Variants in RBFOX1 observed in about 807,000 individuals in gnomAD.
The protein encoded by RBFOX1 is RNA binding fox-1 homolog 1, also known as RNA binding protein fox-1 homolog 1.
Under a neutral mutation model 57.7 loss-of-function variants are expected in RBFOX1, and 8 were observed. The ratio of observed to expected loss-of-function variants is 0.14; its 90% CI spans 0.08 to 0.25. The LOEUF (loss-of-function observed/expected upper bound fraction) is 0.25, where lower values mean the gene tolerates loss of function less well. Ranked by LOEUF, RBFOX1 falls within the 10% of genes least tolerant of loss-of-function variation. RBFOX1 has a pLI of 1.00. For missense variants in RBFOX1, 611 were observed against 548.5 expected (o/e 1.11, Z -1.14); for synonymous variants, 326 against 222.4 (o/e 1.47, Z -4.15).
At chr16:5,807,324 T>C (rs1334394497) in intron 3 of RBFOX1, among the ~76,000 whole-genome samples, 2 of 152,178 alleles carry the variant, frequency 1.3e-5, no homozygotes, top group Non-Finnish European at 1.5e-5. Flanking sequence ...AGCACCTCTC[T>C]TAGTATTTCC....
chr16:6,574,424 ATTTTTTTTTT>A (rs34505014), intron 2 of RBFOX1, among the ~76,000 whole-genome samples: 1 of 89,942 alleles, frequency 1.1e-5, no homozygotes, highest in Non-Finnish European at 2.1e-5. Flanking sequence ...CGTATCTTCT[ATTTTTTTTTT>A]TTTTTTTTTT....
chr16:7,266,022 T>C (rs1324452696), intron 4 of RBFOX1, among the ~76,000 whole-genome samples: 1 of 138,822 alleles, frequency 7.2e-6, no homozygotes, highest in Non-Finnish European at 1.5e-5. Flanking sequence ...TTGCCCAGGC[T>C]GGAGTGCAGT....
At chr16:6,033,586 CATT>C (rs563856246) in intron 1 of RBFOX1, among the ~76,000 whole-genome samples, 8 of 152,206 alleles carry the variant, frequency 5.3e-5, no homozygotes, top group Non-Finnish European at 8.8e-5. Flanking sequence ...TATTCCCTCT[CATT>C]GTGTGTGTGT....
intron 3 of RBFOX1, among the ~76,000 whole-genome samples, chr16:5,762,420 A>G (rs2053624412): frequency 6.6e-6 from 1 of 151,830 alleles, no homozygotes; most frequent in Non-Finnish European, 1.5e-5. Context: ...TGGGAGTCAG[A>G]CAGTCTCATA....
At chr16:6,148,184 G>A (rs988358726) in intron 1 of RBFOX1, among the ~76,000 whole-genome samples, 2 of 152,184 alleles carry the variant, frequency 1.3e-5, no homozygotes, top group East Asian at 1.9e-4. Context: ...GAAATTAGCC[G>A]AGTGTGGTGG....
intron 2 of RBFOX1, among the ~76,000 whole-genome samples, chr16:6,539,289 G>A (rs957336426): frequency 1.3e-5 from 2 of 152,082 alleles, no homozygotes; most frequent in African/African-American, 4.8e-5. Context: ...ATTTCCTTGT[G>A]CCTCTGTTTT....
chr16:5,722,622 G>T (rs113886248), intron 3 of RBFOX1, among the ~76,000 whole-genome samples: 1 of 152,146 alleles, frequency 6.6e-6, no homozygotes, highest in African/African-American at 2.4e-5. Context: ...CCCCACGGTG[G>T]CATTAGGGTT....
rs539782355 is a variant in RBFOX1 at position 7,238,951 on chromosome 16, G to C, written c.27+186853G>C. On this transcript the variant is annotated intron_variant, in intron 4 of 15. Transcript: ENST00000550418. ...AATGAGAGCCTCCAGTTTCATCCATGTTCCTGCAAAGGACATGATCTTGTT... is the reference window on the plus strand; with the variant it reads ...AATGAGAGCCTCCAGTTTCATCCATCTTCCTGCAAAGGACATGATCTTGTT... 2.0e-5 allele frequency among the ~76,000 whole-genome samples: 3 copies of C among 152,238 alleles called. No homozygotes were observed. The East Asian group carries it at 5.8e-4, about 29-fold the overall frequency.
intron 5 of RBFOX1, among the ~76,000 whole-genome samples, chr16:7,522,557 T>A (rs1338938118): frequency 6.6e-6 from 1 of 152,116 alleles, no homozygotes; most frequent in African/African-American, 2.4e-5. Flanking sequence ...TGGGTGGGCA[T>A]TGCCCGTTAT....
chr16:7,328,299 G>A (rs1032469596), intron 4 of RBFOX1, among the ~76,000 whole-genome samples: 1 of 151,988 alleles, frequency 6.6e-6, no homozygotes, highest in African/African-American at 2.4e-5. Context: ...GGCCAACGTG[G>A]TGAAACCCTG....
chr16:6,684,432 A>G (rs766012814), intron 3 of RBFOX1, among the ~76,000 whole-genome samples: 35 of 152,232 alleles, frequency 2.3e-4, no homozygotes, highest in Non-Finnish European at 3.8e-4. Flanking sequence ...AGGAGAGGGA[A>G]TATCAAGATG....
intron 13 of RBFOX1, among the ~76,000 whole-genome samples, chr16:7,666,764 G>A (rs2069450397): frequency 1.3e-5 from 2 of 152,200 alleles, no homozygotes; most frequent in Non-Finnish European, 2.9e-5. Context: ...CTTGACTAGA[G>A]AGGAAAAAGA....
intron 4 of RBFOX1, among the ~76,000 whole-genome samples, chr16:7,152,003 C>G (rs1442014772): frequency 6.6e-6 from 1 of 152,116 alleles, no homozygotes. Flanking sequence ...TCTAACAGAC[C>G]ATGGACTGGT....
chr16:6,938,735 C>T (rs1464293967), intron 3 of RBFOX1, among the ~76,000 whole-genome samples: 1 of 152,080 alleles, frequency 6.6e-6, no homozygotes, highest in Non-Finnish European at 1.5e-5. Flanking sequence ...AGTTTGAAAC[C>T]AGTTTGGCTG....
At chr16:6,824,058 C>T (rs1016250928) in intron 3 of RBFOX1, among the ~76,000 whole-genome samples, 1 of 152,198 alleles carries the variant, frequency 6.6e-6, no homozygotes, top group Non-Finnish European at 1.5e-5. Context: ...ATATCTTTGT[C>T]TACACCTTGT....
chr16:5,570,452 G>A (rs2151130728), intron 2 of RBFOX1, among the ~76,000 whole-genome samples: 1 of 152,274 alleles, frequency 6.6e-6, no homozygotes, highest in Non-Finnish European at 1.5e-5. Flanking sequence ...TCCCTGGCAA[G>A]CATTTGATAA....
intron 3 of RBFOX1, among the ~76,000 whole-genome samples, chr16:6,883,286 C>T (rs926079769): frequency 1.3e-5 from 2 of 152,114 alleles, no homozygotes; most frequent in African/African-American, 4.8e-5. Flanking sequence ...TTTTTGCTTG[C>T]TTAATGCTAC....
At chr16:6,654,049 T>C (rs1374121834) in intron 2 of RBFOX1, among the ~76,000 whole-genome samples, 5 of 150,100 alleles carry the variant, frequency 3.3e-5, no homozygotes, top group East Asian at 2.0e-4. Flanking sequence ...GATGGGTGGA[T>C]GGATAGGGGA....
intron 4 of RBFOX1, among the ~76,000 whole-genome samples, chr16:7,053,313 C>T (rs975949847): frequency 7.2e-5 from 11 of 152,162 alleles, no homozygotes; most frequent in African/African-American, 2.7e-4. Context: ...CCTCCAAGTA[C>T]CTGTGCCGAC....
Sources: gnomAD v4.1 joint callset for allele counts (sites outside exome capture counted in the v4.1 genomes callset) on GRCh38, gnomAD v4.1.1 for gene constraint, MANE v1.5 for transcripts, NCBI Gene and HGNC (gene_info 2026-07-23, HGNC 2026-07-21) for gene names.